The following RAP1GAP2 variants were observed in gnomAD, a reference collection of about 807,000 sequenced individuals.
The protein encoded by RAP1GAP2 is rap1 GTPase-activating protein 2.
Under a neutral mutation model 95.0 loss-of-function variants are expected in RAP1GAP2, and 27 were observed. That is an observed-to-expected ratio of 0.28 (90% CI 0.21 to 0.39). The LOEUF (loss-of-function observed/expected upper bound fraction) is 0.39, where lower values mean the gene tolerates loss of function less well. Ranked by LOEUF, RAP1GAP2 falls within the 10% of genes least tolerant of loss-of-function variation. RAP1GAP2 has a pLI of 1.00. For synonymous variants in RAP1GAP2, 373 were observed against 380.9 expected, an observed-to-expected ratio of 0.98 and a Z score of 0.24; for missense variants, 771 against 970.0, an observed-to-expected ratio of 0.79 and a Z score of 2.72.
At chr17:2,802,280 C>T (rs73976586) in intron 2 of RAP1GAP2, among the ~76,000 whole-genome samples, 2,405 of 152,256 alleles carry the variant, frequency 0.016, 57 homozygotes, top group African/African-American at 0.055. Context: ...TGACGGTTGG[C>T]ATAAAAGAGG....
chr17:2,781,699 T>G (rs764293968), intron 1 of RAP1GAP2, among the ~76,000 whole-genome samples: 2,875 of 109,130 alleles, frequency 0.026, 62 homozygotes, highest in South Asian at 0.039. Flanking sequence ...TCTCTGTGTG[T>G]GCACGTCTCT....
chr17:2,930,055 C>T (rs1046188168), intron 3 of RAP1GAP2, among the ~76,000 whole-genome samples: 2 of 152,246 alleles, frequency 1.3e-5, no homozygotes, highest in Non-Finnish European at 2.9e-5. Flanking sequence ...GGTGTGTCAC[C>T]TGCCCTGTGT....
intron 2 of RAP1GAP2, among the ~76,000 whole-genome samples, chr17:2,854,862 G>A (rs1009808394): frequency 6.6e-6 from 1 of 152,164 alleles, no homozygotes; most frequent in Non-Finnish European, 1.5e-5. Context: ...AGGGTGCATG[G>A]CAGAGCCTCC....
chr17:2,993,981 G>C (rs1296069817), intron 12 of RAP1GAP2, among the ~76,000 whole-genome samples: 1 of 152,220 alleles, frequency 6.6e-6, no homozygotes, highest in Non-Finnish European at 1.5e-5. Context: ...AGGAGGTTGA[G>C]GCTGCAGTCA....
At chr17:3,030,173 A>T (rs909766592) in intron 22 of RAP1GAP2, among the ~76,000 whole-genome samples, 22 of 105,340 alleles carry the variant, frequency 2.1e-4, no homozygotes, top group African/African-American at 8.5e-4. Context: ...TATAATATAT[A>T]TTATACACAC....
intron 2 of RAP1GAP2, among the ~76,000 whole-genome samples, chr17:2,889,889 A>ATTTTTTTTTTTT (rs3039128): frequency 7.0e-4 from 40 of 57,294 alleles, no homozygotes; most frequent in East Asian, 4.4e-3. Context: ...ATATATATAT[A>ATTTTTTTTTTTT]TTTTTTTTTT....
chr17:2,944,036 C>G (rs1403927819), intron 3 of RAP1GAP2, among the ~76,000 whole-genome samples: 1 of 152,052 alleles, frequency 6.6e-6, no homozygotes, highest in Non-Finnish European at 1.5e-5. Flanking sequence ...GTAATCCCAG[C>G]TACTCAGGAG....
intron 17 of RAP1GAP2, among the ~76,000 whole-genome samples, chr17:3,017,769 T>C (rs1222851169): frequency 6.6e-6 from 1 of 152,120 alleles, no homozygotes; most frequent in African/African-American, 2.4e-5. Flanking sequence ...TAATAACCTT[T>C]GTCCACCGTG....
At chr17:3,026,145 G>C (rs755369422) in intron 20 of RAP1GAP2, 24 bp downstream of exon 20, 1 of 1,555,926 alleles carries the variant, frequency 6.4e-7, no homozygotes, top group South Asian at 1.1e-5. Flanking sequence ...GGTGGGAAAG[G>C]CCAGCTTCGG....
chr17:2,819,663 G>A (rs540762263), intron 2 of RAP1GAP2, among the ~76,000 whole-genome samples: 1 of 151,528 alleles, frequency 6.6e-6, no homozygotes, highest in African/African-American at 2.4e-5. Flanking sequence ...TGGTAGAGAC[G>A]GGGTTTTTTG....
At chr17:2,849,101 G>A (rs1272095199) in intron 2 of RAP1GAP2, among the ~76,000 whole-genome samples, 1 of 152,228 alleles carries the variant, frequency 6.6e-6, no homozygotes, top group Non-Finnish European at 1.5e-5. Context: ...GCAGAAGAGA[G>A]CGGGGGTGCT....
At chr17:2,762,623 A>T (rs149074584) in intron 1 of RAP1GAP2, among the ~76,000 whole-genome samples, 74 of 148,170 alleles carry the variant, frequency 5.0e-4, no homozygotes, top group Non-Finnish European at 8.7e-4. Context: ...CTGGTCTCGA[A>T]CTCCTTACCT....
intron 1 of RAP1GAP2, 22 bp from the exon 2 acceptor site, chr17:2,800,493 G>A (rs1003246207): frequency 5.0e-6 from 8 of 1,610,570 alleles, no homozygotes; most frequent in Non-Finnish European, 6.8e-6. Context: ...ACTGACCGGA[G>A]CCCTTGCTTT....
chr17:2,756,006 C>T (rs2071134150), intron 1 of RAP1GAP2, among the ~76,000 whole-genome samples: 1 of 152,126 alleles, frequency 6.6e-6, no homozygotes, highest in Admixed American at 6.5e-5. Context: ...GGACCCTGTG[C>T]GAGCCGTCAG....
At chr17:2,899,809 T>A (rs952792434) in intron 2 of RAP1GAP2, among the ~76,000 whole-genome samples, 4 of 152,212 alleles carry the variant, frequency 2.6e-5, no homozygotes, top group African/African-American at 9.6e-5. Context: ...CTGCCCGTGG[T>A]CCTATTTTTA....
At chr17:2,987,886 G>A (rs529342313) in intron 11 of RAP1GAP2, among the ~76,000 whole-genome samples, 27 of 152,268 alleles carry the variant, frequency 1.8e-4, no homozygotes, top group Middle Eastern at 3.4e-3. Flanking sequence ...GATTGGGTAG[G>A]CTAGAGTGTC....
intron 3 of RAP1GAP2, among the ~76,000 whole-genome samples, chr17:2,916,494 G>A (rs549437140): frequency 1.3e-5 from 2 of 152,304 alleles, no homozygotes; most frequent in South Asian, 4.1e-4. Flanking sequence ...CTGGTGAGTG[G>A]CAGAGCCAGG....
In RAP1GAP2 at chr17:3,003,785, G is replaced by T. The variant is rs780525585; in HGVS notation, c.1201-1584G>T. ...CCAGTGACCCAGATGTCCCCAAGAG[G>T]GGGGAACAACAAAGGCCTGGCCGCC... On this transcript the variant is annotated intron_variant, in intron 14 of 24. Coordinates refer to ENST00000254695, the MANE Select transcript of RAP1GAP2 (RefSeq NM_015085.5). This position sits in a 1 kb window ranked among gnomAD's most constrained non-coding sequence, Gnocchi z 4.1. Among the ~76,000 whole-genome samples, 10 of 152,210 alleles carry T rather than the reference G, an allele frequency of 6.6e-5. No individual in the cohort carries two copies. The East Asian group carries it at 1.5e-3, about 23-fold the overall frequency.
intron 2 of RAP1GAP2, among the ~76,000 whole-genome samples, chr17:2,830,777 G>A (rs2070795759): frequency 6.6e-6 from 1 of 151,938 alleles, no homozygotes; most frequent in Non-Finnish European, 1.5e-5. Flanking sequence ...TATTTACATG[G>A]TTGGTTCTAA....
Sources: gnomAD v4.1 joint callset for allele counts (sites outside exome capture counted in the v4.1 genomes callset) on GRCh38, gnomAD v4.1.1 for gene constraint, Gnocchi (gnomAD v3.1) non-coding constraint, MANE v1.5 for transcripts, NCBI Gene and HGNC (gene_info 2026-07-23, HGNC 2026-07-21) for gene names.